Variants in MTAP observed in about 807,000 individuals in gnomAD.
MTAP encodes the protein methylthioadenosine phosphorylase, also known as S-methyl-5'-thioadenosine phosphorylase.
A neutral mutation model predicts 33.6 loss-of-function variants in MTAP; 33 were observed. That is an observed-to-expected ratio of 0.98 (90% CI 0.74 to 1.31). The LOEUF is 1.31. MTAP is among the 40% of genes most tolerant of loss of function. The pLI is 0.00. For synonymous variants in MTAP, 148 were observed against 125.7 expected, an observed-to-expected ratio of 1.18 and a Z score of -1.19; for missense variants, 367 against 360.0, an observed-to-expected ratio of 1.02 and a Z score of -0.16.
chr9:21,870,920 G>A (rs539126420), downstream of MTAP, among the ~76,000 whole-genome samples: 2 of 151,618 alleles, frequency 1.3e-5, no homozygotes, highest in Admixed American at 1.3e-4. Context: ...ACAGGTGCCT[G>A]CCACCATGCC....
intron 1 of MTAP, among the ~76,000 whole-genome samples, chr9:21,877,017 T>C (rs1008687803): frequency 5.9e-5 from 9 of 152,194 alleles, no homozygotes; most frequent in African/African-American, 2.2e-4. Flanking sequence ...CATTTGTTTC[T>C]GTCATCTCTG....
intron 1 of MTAP, among the ~76,000 whole-genome samples, chr9:21,918,025 G>A (rs1311543715): frequency 6.6e-6 from 1 of 152,216 alleles, no homozygotes; most frequent in Non-Finnish European, 1.5e-5. Flanking sequence ...TCACTTACAA[G>A]TGGAACTTAG....
chr9:21,817,624 T>A (rs1824516506), intron 3 of MTAP, among the ~76,000 whole-genome samples: 1 of 152,082 alleles, frequency 6.6e-6, no homozygotes, highest in African/African-American at 2.4e-5. Flanking sequence ...GTGCTAGAAG[T>A]CACCTCCATG....
rs1387162730 is a variant in MTAP at position 21,867,057 on chromosome 9, C to T, written c.*5043C>T. On this transcript the variant is annotated 3_prime_UTR_variant, in exon 8 of 8. Coordinates refer to ENST00000644715, the MANE Select transcript of MTAP (RefSeq NM_002451.4). ...GTATATTGACTTTATATTCTGTAAT[C>T]TTATTAAATTCACTTAGTTCAGTAG... 5 of 152,000 alleles carry T rather than the reference C, an allele frequency of 3.3e-5. No homozygotes were observed. The highest frequency in any genetic ancestry group is 7.4e-5 in the Non-Finnish European group (5 of 67,972). 9.4% of individuals were successfully genotyped at this position (152,000 alleles called of 1,614,324 possible). A position where few individuals can be genotyped will look rare whatever the true frequency, so the allele number is the denominator to read the frequency against.
intron 1 of MTAP, among the ~76,000 whole-genome samples, chr9:21,919,498 C>G (rs1818751133): frequency 6.6e-6 from 1 of 152,132 alleles, no homozygotes; most frequent in East Asian, 1.9e-4. Flanking sequence ...TATTTGTAAA[C>G]CACTTTTGGA....
downstream of MTAP, among the ~76,000 whole-genome samples, chr9:21,940,007 G>A (rs561928837): frequency 2.6e-5 from 4 of 152,168 alleles, no homozygotes; most frequent in Non-Finnish European, 5.9e-5. Flanking sequence ...CCAGCCGGGT[G>A]TGGTGGCTCA....
intron 1 of MTAP, among the ~76,000 whole-genome samples, chr9:21,877,176 A>T (rs7854890): frequency 6.6e-6 from 1 of 151,916 alleles, no homozygotes; most frequent in East Asian, 1.9e-4. Flanking sequence ...TCATTGGTGT[A>T]TAGGAATGCT....
chr9:21,939,367 G>A (rs911618900), downstream of MTAP, among the ~76,000 whole-genome samples: 1 of 152,124 alleles, frequency 6.6e-6, no homozygotes, highest in Non-Finnish European at 1.5e-5. Flanking sequence ...TTTCTTTAAT[G>A]TCTAATTTTT....
At chr9:21,821,752 T>C (rs1216255099) in intron 4 of MTAP, among the ~76,000 whole-genome samples, 1 of 152,204 alleles carries the variant, frequency 6.6e-6, no homozygotes, top group African/African-American at 2.4e-5. Flanking sequence ...ATCCATCTGG[T>C]CCTGGACTTT....
At chr9:21,913,049 AT>A (rs1818607441) in intron 1 of MTAP, among the ~76,000 whole-genome samples, 1 of 152,214 alleles carries the variant, frequency 6.6e-6, no homozygotes, top group African/African-American at 2.4e-5. Context: ...AGAGAATAAA[AT>A]ACCTAGGAAT....
intron 1 of MTAP, among the ~76,000 whole-genome samples, chr9:21,872,774 G>A (rs1825956021): frequency 6.6e-6 from 1 of 152,170 alleles, no homozygotes. Flanking sequence ...AAAGAGAGAA[G>A]TAGAAACAAT....
chr9:21,841,222 A>G (rs1825234889), intron 5 of MTAP, among the ~76,000 whole-genome samples: 2 of 152,306 alleles, frequency 1.3e-5, no homozygotes, highest in African/African-American at 4.8e-5. Flanking sequence ...GGAAACCAAA[A>G]TAGTTACCTT....
chr9:21,807,218 G>A (rs990384950), intron 1 of MTAP, among the ~76,000 whole-genome samples: 1 of 152,130 alleles, frequency 6.6e-6, no homozygotes, highest in Admixed American at 6.5e-5. Flanking sequence ...GTGACAAGGA[G>A]GGGATATGGT....
Position 21,854,739 on chromosome 9 carries a change from C to T in MTAP, c.559C>T (p.Arg187Cys), listed in dbSNP as rs754550389. 2.2e-5 allele frequency: 35 copies of T among 1,614,024 alleles called. No individual in the cohort carries two copies. Among genetic ancestry groups the T allele is most frequent in the Non-Finnish European group, 2.5e-5 (29 of 1,180,000 alleles). The change falls in exon 6 of 8, where the codon CGC becomes TGC. Residue 187 changes from arginine (R) to cysteine (C), a missense_variant. Arg to Cys is a radical substitution (Grantham distance 180). Transcript: ENST00000644715. ...CTCCCGGGCAGAAAGCTTCATGTTC[C>T]GCACCTGGGGGGCGGATGTTATCAA... is the stretch of plus-strand genomic sequence containing the variant. ...FSSRAESFMF[R>C]TWGADVINMT...
At chr9:21,877,380 A>G (rs1441140293) in intron 1 of MTAP, among the ~76,000 whole-genome samples, 1 of 152,154 alleles carries the variant, frequency 6.6e-6, no homozygotes, top group Admixed American at 6.6e-5. Context: ...TCCAGCCAGG[A>G]CATCCAATGC....
chr9:21,938,440 A>G (rs1338971006), downstream of MTAP, among the ~76,000 whole-genome samples: 2 of 151,988 alleles, frequency 1.3e-5, no homozygotes, highest in African/African-American at 4.8e-5. Context: ...CCTTGGAAAA[A>G]AAAAGAAAGA....
intron 1 of MTAP, among the ~76,000 whole-genome samples, chr9:21,916,965 A>G (rs971971701): frequency 6.6e-6 from 1 of 152,244 alleles, no homozygotes; most frequent in South Asian, 2.1e-4. Flanking sequence ...CTAGTGTGAT[A>G]GAAGTCAAGG....
At chr9:21,930,863 G>A in intron 1 of MTAP, 1 of 643,624 alleles carries the variant, frequency 1.6e-6, no homozygotes, top group African/African-American at 1.8e-5. Context: ...CTCGTGGTTA[G>A]TTAGATTGGT....
chr9:21,883,059 A>T (rs927671387), intron 1 of MTAP, among the ~76,000 whole-genome samples: 1 of 151,972 alleles, frequency 6.6e-6, no homozygotes, highest in Non-Finnish European at 1.5e-5. Context: ...ATGAAGTAGA[A>T]AACAAGGAGG....
Sources: allele counts gnomAD v4.1 joint callset (sites outside exome capture counted in the v4.1 genomes callset), GRCh38; gene constraint gnomAD v4.1.1; transcripts MANE v1.5; gene names NCBI Gene and HGNC (gene_info 2026-07-23, HGNC 2026-07-21).